The following SEPTIN12 variants were observed in gnomAD, a reference collection of about 807,000 sequenced individuals.
SEPTIN12 encodes septin-12.
A neutral mutation model predicts 37.7 loss-of-function variants in SEPTIN12; 42 were observed. The ratio of observed to expected loss-of-function variants is 1.11; its 90% CI spans 0.87 to 1.44. The LOEUF (loss-of-function observed/expected upper bound fraction) is 1.44. Ranked by LOEUF, SEPTIN12 falls within the 40% of genes most tolerant of loss-of-function variation. The pLI is 0.00. For synonymous variants in SEPTIN12, 254 were observed against 196.7 expected, an observed-to-expected ratio of 1.29 and a Z score of -2.44; for missense variants, 613 against 479.2, an observed-to-expected ratio of 1.28 and a Z score of -2.61.
At position 4,777,973 on chromosome 16, in the gene SEPTIN12, T is replaced by C. The variant is rs894361748; in HGVS notation, c.901A>G (p.Ile301Val). 2 of 1,611,808 alleles carry C rather than the reference T, an allele frequency of 1.2e-6. No individual in the cohort carries two copies. Among genetic ancestry groups the C allele is most frequent in the Non-Finnish European group, 1.7e-6 (2 of 1,179,074 alleles). ...TTCTCATAGTGGATGTTGTGGGTTA[T>C]GTCCTTCAGGTCTTGGAGGTGGGAG... ...IRSHLQDLKD[I>V]THNIHYENYR... The change falls in exon 10 of 10, where the codon ATA becomes GTA. Residue 301 changes from isoleucine (I) to valine (V), a missense_variant. By Grantham distance (29) the Ile-to-Val change is conservative. Coordinates refer to ENST00000268231, the MANE Select transcript of SEPTIN12 (RefSeq NM_144605.5).
chr16:4,784,803 A>AAAT (rs2082417315), intron 4 of SEPTIN12, among the ~76,000 whole-genome samples: 1 of 150,724 alleles, frequency 6.6e-6, no homozygotes, highest in Non-Finnish European at 1.5e-5. Context: ...ATAAATAAAT[A>AAAT]AATAAATAAA....
chr16:4,779,843 G>C (rs2082354179), intron 7 of SEPTIN12, 57 bp from the exon 8 acceptor site: 1 of 1,198,856 alleles, frequency 8.3e-7, no homozygotes, highest in African/African-American at 1.5e-5. Flanking sequence ...GAGAAGAGAA[G>C]AAAAGTCAAG....
At chr16:4,785,298 G>T (rs972094960) in intron 4 of SEPTIN12, among the ~76,000 whole-genome samples, 1 of 151,490 alleles carries the variant, frequency 6.6e-6, no homozygotes, top group African/African-American at 2.4e-5. Flanking sequence ...GGAGGCAGAG[G>T]TTGCAGTGAG....
chr16:4,788,475 C>T (rs2082496370), upstream of SEPTIN12: 2 of 152,196 alleles, frequency 1.3e-5, no homozygotes, highest in Admixed American at 6.6e-5. Context: ...CCACAATGAC[C>T]CCAGCCTAAT....
intron 2 of SEPTIN12, among the ~76,000 whole-genome samples, chr16:4,786,341 A>G (rs1399001078): frequency 7.5e-6 from 1 of 134,066 alleles, no homozygotes; most frequent in Non-Finnish European, 1.6e-5. Flanking sequence ...TACCCAGCTG[A>G]TTTTTGCACT....
chr16:4,791,624 T>G (rs1304313116), upstream of SEPTIN12, among the ~76,000 whole-genome samples: 1 of 152,092 alleles, frequency 6.6e-6, no homozygotes, highest in Non-Finnish European at 1.5e-5. Context: ...CCGGAACCAC[T>G]CCCTGCCACA....
chr16:4,783,003 A>C (rs1420511235), intron 7 of SEPTIN12, among the ~76,000 whole-genome samples: 1 of 151,106 alleles, frequency 6.6e-6, no homozygotes, highest in Middle Eastern at 3.4e-3. Context: ...TCTGCCTCCC[A>C]GTTTCAAAAT....
At chr16:4,781,807 G>A (rs1269051023) in intron 7 of SEPTIN12, among the ~76,000 whole-genome samples, 1 of 151,560 alleles carries the variant, frequency 6.6e-6, no homozygotes, top group Non-Finnish European at 1.5e-5. Flanking sequence ...ACCACACCCG[G>A]CTAATTTTGT....
chr16:4,783,162 G>A (rs1328002889), intron 7 of SEPTIN12, among the ~76,000 whole-genome samples: 3 of 152,146 alleles, frequency 2.0e-5, no homozygotes, highest in African/African-American at 7.2e-5. Context: ...GCCTGCCTCG[G>A]CCTCCCAAAC....
upstream of SEPTIN12, chr16:4,788,651 T>C (rs985632663): frequency 6.6e-6 from 1 of 152,218 alleles, no homozygotes; most frequent in Non-Finnish European, 1.5e-5. Flanking sequence ...GTGTTTTAAG[T>C]TGCAGCGTCA....
upstream of SEPTIN12, among the ~76,000 whole-genome samples, chr16:4,791,124 G>A (rs1004936451): frequency 2.0e-5 from 3 of 152,228 alleles, no homozygotes; most frequent in African/African-American, 7.2e-5. Context: ...CTTTCTCCAG[G>A]AAAATCCTCC....
At position 4,777,670 on chromosome 16, in the gene SEPTIN12, TTTG is replaced by T. The variant is rs2082325632; in HGVS notation, c.*124_*126del. ...CAAAGAAGTCATTTACAAAATGCCT[TTTG>T]TTTTCAAAGCACAGCTTTTCATAAA... On this transcript the variant is annotated 3_prime_UTR_variant, in exon 10 of 10. Transcript: ENST00000268231. The T allele has an allele frequency of 1.3e-6, 1 of 756,736 alleles. No individual in the cohort carries two copies. The highest frequency in any genetic ancestry group is 1.8e-5 in the African/African-American group (1 of 56,634). 46.9% of individuals were successfully genotyped at this position (756,736 alleles called of 1,614,324 possible). A position where few individuals can be genotyped will look rare whatever the true frequency, so the allele number is the denominator to read the frequency against.
chr16:4,779,116 T>A (rs1169914856), intron 8 of SEPTIN12, among the ~76,000 whole-genome samples: 1 of 151,930 alleles, frequency 6.6e-6, no homozygotes, highest in Non-Finnish European at 1.5e-5. Flanking sequence ...CCAGCTCGGG[T>A]GACACTGCGA....
chr16:4,777,659 A>G lies in SEPTIN12; in HGVS notation c.*138T>C. On this transcript the variant is annotated 3_prime_UTR_variant, in exon 10 of 10. Transcript: ENST00000268231. The stretch of plus-strand genomic sequence containing the variant: ...TGTGGATAGCTCAAAGAAGTCATTT[A>G]CAAAATGCCTTTTGTTTTCAAAGCA... The G allele has an allele frequency of 1.5e-6, 1 of 689,394 alleles. No individual in the cohort carries two copies. Among genetic ancestry groups the G allele is most frequent in the Non-Finnish European group, 2.4e-6 (1 of 414,584 alleles). The allele number at this position is 689,394 out of a possible 1,614,324, so 42.7% of individuals were successfully genotyped here.
chr16:4,790,378 G>C (rs753640071), upstream of SEPTIN12, among the ~76,000 whole-genome samples: 6 of 152,214 alleles, frequency 3.9e-5, no homozygotes, highest in African/African-American at 7.2e-5. Flanking sequence ...GGTGGCCGTG[G>C]TTCCAGCTTT....
At position 4,787,531 on chromosome 16, in the gene SEPTIN12, G is replaced by C; in HGVS notation, c.115C>G (p.Leu39Val). The part of the protein sequence containing the change: ...PVGIEAVLDQ[L>V]KIKAMKMGFE... ...CCCATCTTCATAGCCTTGATCTTCA[G>C]CTGGTCCAGCACAGCCTCAATGCCC... Residue 39 changes from leucine to valine, a missense_variant, in exon 2 of 10, where the codon CTG (leucine) becomes GTG (valine). Transcript: ENST00000268231. 6.2e-7 allele frequency: 1 copy of C among 1,612,944 alleles called. No homozygotes were observed. The highest frequency in any genetic ancestry group is 8.5e-7 in the Non-Finnish European group (1 of 1,179,992).
In SEPTIN12 at chr16:4,777,913, G is replaced by A. The variant is rs1278782706; in HGVS notation, c.961C>T (p.Leu321=). The A allele has an allele frequency of 2.5e-6, 4 of 1,603,966 alleles. No individual in the cohort carries two copies. The highest frequency in any genetic ancestry group is 1.3e-5 in the African/African-American group (1 of 74,874). Reference sequence around the variant, plus strand: ...TTCACCCAGCCGGGCCCGCGGGGCAGCAGGTGGCTTTCATTGAGTCTGATG... The same window carrying A: ...TTCACCCAGCCGGGCCCGCGGGGCAACAGGTGGCTTTCATTGAGTCTGATG... ...RVIRLNESHL[L]PRGPGWVNLA... Residue 321 remains leucine (L), a synonymous_variant, in exon 10 of 10, where the codon CTG becomes TTG. Transcript: ENST00000268231.
At chr16:4,780,546 C>A (rs181341878) in intron 7 of SEPTIN12, among the ~76,000 whole-genome samples, 379 of 152,304 alleles carry the variant, frequency 2.5e-3, no homozygotes, top group Non-Finnish European at 3.9e-3. Context: ...TGGCCCTTTG[C>A]AGAAAAGGTT....
Position 4,779,745 on chromosome 16 carries a change from G to A in SEPTIN12, c.768C>T (p.His256=), listed in dbSNP as rs375790613. ...PFAVVGADQE[H]LVNGRCVLGR... ...CCAGGACACACCTCCCGTTCACCAG[G>A]TGCTCTTGGTCAGCCCCTACCACGG... The change falls in exon 8 of 10, where the codon CAC becomes CAT. Residue 256 remains histidine, a synonymous_variant. Transcript: ENST00000268231. 5.0e-6 allele frequency: 8 copies of A among 1,613,870 alleles called. No homozygotes were observed. The highest frequency in any genetic ancestry group is 6.8e-6 in the Non-Finnish European group (8 of 1,179,818).
Sources: gnomAD v4.1 joint callset for allele counts (sites outside exome capture counted in the v4.1 genomes callset) on GRCh38, gnomAD v4.1.1 for gene constraint, MANE v1.5 for transcripts, NCBI Gene and HGNC (gene_info 2026-07-23, HGNC 2026-07-21) for gene names.